The following NME4 variants were observed in gnomAD, a reference collection of about 807,000 sequenced individuals.
The protein encoded by NME4 is NME/NM23 nucleoside diphosphate kinase 4.
In NME4, 21 loss-of-function variants were observed where a neutral mutation model predicts 16.4. The observed-to-expected ratio is 1.28, with a 90% CI of 0.91 to 1.84. The LOEUF is 1.84. Among genes scored for constraint, NME4 ranks in the 40% most tolerant of loss-of-function variants. The pLI, the probability that NME4 is intolerant of heterozygous loss-of-function variation, is 0.00. For synonymous variants in NME4, 132 were observed against 107.5 expected (o/e 1.23, Z -1.41); for missense variants, 316 against 261.3 (o/e 1.21, Z -1.44).
rs2054559433 is a variant in NME4, at chr16:397,208, C to T, written c.-15C>T. Reference sequence around the variant, plus strand: ...CCCGCTCCTCGCGCTCACAGCGGCCCGCGGGCCGGGCGTCATGGGCGGCCT... The same window carrying T: ...CCCGCTCCTCGCGCTCACAGCGGCCTGCGGGCCGGGCGTCATGGGCGGCCT... On this transcript the variant is annotated 5_prime_UTR_variant, in exon 1 of 5. Transcript: ENST00000219479. 31 of 1,002,432 alleles carry T rather than the reference C, an allele frequency of 3.1e-5. No homozygotes were observed. Among genetic ancestry groups the T allele is most frequent in the Non-Finnish European group, 3.7e-5 (31 of 841,404 alleles). The allele number at this position is 1,002,432 out of a possible 1,614,324, so 62.1% of individuals were successfully genotyped here.
chr16:399,509 C>A lies in NME4; in HGVS notation c.327+29C>A, dbSNP rs546692797. Reference sequence around the variant, plus strand: ...CGGCAGGGCAGGGGTGGTGGAAGGGCCTGTGGGTAAAGGGCGTGTGGGTGT... The same window carrying A: ...CGGCAGGGCAGGGGTGGTGGAAGGGACTGTGGGTAAAGGGCGTGTGGGTGT... On this transcript the variant is annotated intron_variant, in intron 3 of 4. Transcript: ENST00000219479. 8 of 1,605,786 alleles carry A rather than the reference C, an allele frequency of 5.0e-6. No homozygotes were observed. In the East Asian group the frequency reaches 1.3e-4, roughly 27 times the overall value.
chr16:398,889 A>G, intron 1 of NME4, 101 bp from the exon 2 acceptor site: 1 of 1,511,404 alleles, frequency 6.6e-7, no homozygotes. Context: ...AGAGGCAGAC[A>G]CCCTGAAGCC....
intron 1 of NME4, chr16:398,353 C>T (rs1454648026): frequency 5.5e-6 from 7 of 1,283,940 alleles, no homozygotes; most frequent in Non-Finnish European, 7.1e-6. Flanking sequence ...AATCTTCAGG[C>T]CCCTTTTTGT....
rs1296824408 is a variant in NME4 at position 399,663 on chromosome 16, G to A, written c.364G>A (p.Ala122Thr). The A allele has an allele frequency of 2.5e-6, 4 of 1,613,084 alleles. No homozygotes were observed. The African/African-American group carries it at 4.0e-5, about 16-fold the overall frequency. ...EGYNVVRASR[A>T]MIGHTDSAEA... ...GTACAATGTCGTCCGCGCCTCGAGG[G>A]CCATGATTGGACACACCGACTCGGC... The change falls in exon 4 of 5, where the codon GCC (alanine) becomes ACC (threonine). Residue 122 changes from alanine (A) to threonine (T), a missense_variant. Physicochemically the swap from Ala to Thr is moderately conservative, Grantham distance 58. Coordinates refer to ENST00000219479, the MANE Select transcript of NME4 (RefSeq NM_005009.3).
At chr16:397,924 C>T (rs1312015994) in intron 1 of NME4, 1 of 1,550,348 alleles carries the variant, frequency 6.5e-7, no homozygotes, top group Non-Finnish European at 8.7e-7. Context: ...CCTGCAATGC[C>T]CGCACCAGCC....
intron 4 of NME4, among the ~76,000 whole-genome samples, 190 bp downstream of exon 4, chr16:399,929 G>C (rs966737523): frequency 6.6e-6 from 1 of 152,142 alleles, no homozygotes; most frequent in Non-Finnish European, 1.5e-5. Context: ...CCTTTGTGTT[G>C]TGTGTACCGT....
chr16:399,181 T>A, intron 2 of NME4, 58 bp downstream of exon 2: 1 of 1,596,858 alleles, frequency 6.3e-7, no homozygotes, highest in Non-Finnish European at 8.6e-7. Context: ...GGGATCCTTC[T>A]CGGCCTTTCA....
In NME4 at chr16:397,945, C is replaced by T. The variant is rs1278614742; in HGVS notation, c.91+632C>T. The T allele has an allele frequency of 1.9e-6, 3 of 1,548,998 alleles. No homozygotes were observed. The Admixed American group carries it at 5.8e-5, about 30-fold the overall frequency. Reference sequence around the variant, plus strand: ...ATGCCCGCACCAGCCGCAGCAGAGCCCCAGGCTACACAAGGCGCCCTGCAA... The same window carrying T: ...ATGCCCGCACCAGCCGCAGCAGAGCTCCAGGCTACACAAGGCGCCCTGCAA... On this transcript the variant is annotated intron_variant, in intron 1 of 4. Coordinates refer to ENST00000219479, the MANE Select transcript of NME4 (RefSeq NM_005009.3).
rs376559378 is a variant in NME4, at chr16:398,976, C to T, written c.92-14C>T. ...GGTGAGGTGGCAGTGCCTCTGACCT[C>T]TTGCCTTTTGAAGGAGGGCCCTCCT... is the stretch of plus-strand genomic sequence containing the variant. On this transcript the variant is annotated splice_polypyrimidine_tract_variant and intron_variant, in intron 1 of 4. Coordinates refer to ENST00000219479, the MANE Select transcript of NME4 (RefSeq NM_005009.3). 31 of 1,609,522 alleles carry T rather than the reference C, an allele frequency of 1.9e-5. No individual in the cohort carries two copies. The highest frequency in any genetic ancestry group is 2.5e-5 in the Non-Finnish European group (29 of 1,179,846).
At chr16:397,388 C>A in intron 1 of NME4, 75 bp downstream of exon 1, 1 of 549,224 alleles carries the variant, frequency 1.8e-6, no homozygotes, top group Non-Finnish European at 2.4e-6. Context: ...TTTGTGCGCG[C>A]ACGTGCGGGC....
At chr16:398,528 G>A in intron 1 of NME4, 1 of 706,594 alleles carries the variant, frequency 1.4e-6, no homozygotes, top group Non-Finnish European at 2.0e-6. Context: ...CAAAAGTGAG[G>A]CTGGAGTTTT....
Position 400,465 on chromosome 16 carries a change from C to T in NME4, c.*123C>T. 2 of 1,270,964 alleles carry T rather than the reference C, an allele frequency of 1.6e-6. No individual in the cohort carries two copies. Among genetic ancestry groups the T allele is most frequent in the Admixed American group, 2.8e-5 (1 of 36,280 alleles). 78.7% of individuals were successfully genotyped at this position (1,270,964 alleles called of 1,614,324 possible). ...ACTTACTTCCCTGTTCACCTCTGCC[C>T]CACCCCAGCCCAGAGGAGTTTGAGC... On this transcript the variant is annotated 3_prime_UTR_variant, in exon 5 of 5. Transcript: ENST00000219479.
intron 1 of NME4, chr16:397,804 T>A (rs1393047134): frequency 6.9e-7 from 1 of 1,449,746 alleles, no homozygotes; most frequent in Admixed American, 2.3e-5. Flanking sequence ...GACTGGGACG[T>A]CAGGCCCCAA....
At chr16:398,638 G>A in intron 1 of NME4, 1 of 407,038 alleles carries the variant, frequency 2.5e-6, no homozygotes, top group Non-Finnish European at 4.5e-6. Context: ...GGACCTTGAG[G>A]TGGTCCCTGA....
At chr16:397,571 G>A (rs1412981866) in intron 1 of NME4, among the ~76,000 whole-genome samples, 1 of 102,400 alleles carries the variant, frequency 9.8e-6, no homozygotes, top group Non-Finnish European at 2.0e-5. Flanking sequence ...AGCCTGGGCG[G>A]GTCCGGGGCG....
At chr16:397,509 G>A (rs1485534060) in intron 1 of NME4, among the ~76,000 whole-genome samples, 196 bp downstream of exon 1, 9 of 136,372 alleles carry the variant, frequency 6.6e-5, no homozygotes, top group African/African-American at 2.4e-4. Flanking sequence ...CCGGCTCTGC[G>A]GCTCCTTCTC....
At chr16:398,649 G>A (rs1233989145) in intron 1 of NME4, 3 of 417,814 alleles carry the variant, frequency 7.2e-6, no homozygotes, top group Non-Finnish European at 1.3e-5. Context: ...TGGTCCCTGA[G>A]CTGGCTCTGC....
intron 4 of NME4, 74 bp downstream of exon 4, chr16:399,813 C>G: frequency 1.6e-6 from 2 of 1,228,998 alleles, no homozygotes; most frequent in Non-Finnish European, 2.4e-6. Flanking sequence ...GGCAGATCCA[C>G]GAGACCTGGC....
chr16:400,563 G>C lies in NME4; in HGVS notation c.*221G>C, dbSNP rs901707163. On this transcript the variant is annotated 3_prime_UTR_variant, in exon 5 of 5. Transcript: ENST00000219479. ...CCAATCCTTTTTGCACCAAAGTGCCGGACAACCTTTGTGGTGGGGGGGGGT... is the reference window on the plus strand; with the variant it reads ...CCAATCCTTTTTGCACCAAAGTGCCCGACAACCTTTGTGGTGGGGGGGGGT... 2 of 507,690 alleles carry C rather than the reference G, an allele frequency of 3.9e-6. No homozygotes were observed. The highest frequency in any genetic ancestry group is 6.8e-6 in the Non-Finnish European group (2 of 294,272). The allele number at this position is 507,690 out of a possible 1,614,324, so 31.4% of individuals were successfully genotyped here.
Sources: gnomAD v4.1 joint callset for allele counts (sites outside exome capture counted in the v4.1 genomes callset) on GRCh38, gnomAD v4.1.1 for gene constraint, MANE v1.5 for transcripts, NCBI Gene and HGNC (gene_info 2026-07-23, HGNC 2026-07-21) for gene names.